TYW1B: variants seen among roughly 807,000 people sequenced by gnomAD.
TYW1B encodes S-adenosyl-L-methionine-dependent tRNA 4-demethylwyosine synthase TYW1B.
TYW1B carries 73 observed loss-of-function variants against 86.9 expected under a neutral mutation model. That is an observed-to-expected ratio of 0.84 (90% CI 0.70 to 1.02). The LOEUF (loss-of-function observed/expected upper bound fraction) is 1.02. TYW1B is among the 50% of genes least tolerant of loss of function. The pLI is 0.00. For synonymous variants in TYW1B, 248 were observed against 292.8 expected (o/e 0.85, Z 1.56); for missense variants, 637 against 827.4 (o/e 0.77, Z 2.82).
intron 13 of TYW1B, among the ~76,000 whole-genome samples, chr7:72,576,231 A>G (rs1410093702): frequency 3.3e-5 from 5 of 152,222 alleles, no homozygotes; most frequent in African/African-American, 1.2e-4. Context: ...CGTGGATACA[A>G]TATCTCATTA....
chr7:72,748,988 T>C (rs1278228151), intron 7 of TYW1B, among the ~76,000 whole-genome samples: 4 of 152,038 alleles, frequency 2.6e-5, no homozygotes, highest in Non-Finnish European at 5.9e-5. Context: ...TTGGGGAAGA[T>C]ATTAAGTAAA....
At chr7:72,757,795 C>T (rs1197186387) in intron 7 of TYW1B, among the ~76,000 whole-genome samples, 1 of 152,222 alleles carries the variant, frequency 6.6e-6, no homozygotes, top group African/African-American at 2.4e-5. Context: ...CACAACCTTA[C>T]ACAGAAATAC....
chr7:72,610,628 T>G (rs549253721), intron 13 of TYW1B, among the ~76,000 whole-genome samples: 75 of 151,398 alleles, frequency 5.0e-4, no homozygotes, highest in South Asian at 1.9e-3. Flanking sequence ...ATAACAGGTT[T>G]GTTGTTGTTG....
intron 13 of TYW1B, among the ~76,000 whole-genome samples, chr7:72,607,821 A>G (rs1175851133): frequency 9.9e-5 from 15 of 152,210 alleles, no homozygotes; most frequent in African/African-American, 1.4e-4. Flanking sequence ...CCCAATTTGT[A>G]AAGGGCATAT....
intron 12 of TYW1B, among the ~76,000 whole-genome samples, chr7:72,621,387 T>C (rs2129568528): frequency 6.6e-6 from 1 of 152,312 alleles, no homozygotes; most frequent in East Asian, 1.9e-4. Context: ...AGCCTGAGCT[T>C]CTCACCACGG....
chr7:72,664,247 G>A (rs1185645496), intron 11 of TYW1B, among the ~76,000 whole-genome samples: 2 of 151,588 alleles, frequency 1.3e-5, no homozygotes, highest in East Asian at 3.9e-4. Flanking sequence ...CAAATATTTG[G>A]GTTTCTTTTT....
chr7:72,722,541 T>C (rs1554457756), intron 9 of TYW1B, among the ~76,000 whole-genome samples: 1 of 152,198 alleles, frequency 6.6e-6, no homozygotes, highest in African/African-American at 2.4e-5. Context: ...AAGTTAATTT[T>C]GTATGTATAT....
intron 11 of TYW1B, among the ~76,000 whole-genome samples, chr7:72,632,439 T>C (rs1395095216): frequency 1.1e-5 from 1 of 88,762 alleles, no homozygotes. Context: ...TATATATACG[T>C]ATATATATAA....
intron 11 of TYW1B, among the ~76,000 whole-genome samples, chr7:72,638,666 A>G (rs2129568970): frequency 6.6e-6 from 1 of 152,384 alleles, no homozygotes; most frequent in African/African-American, 2.4e-5. Flanking sequence ...TCAATGCAGT[A>G]AGACAAGACA....
intron 6 of TYW1B, among the ~76,000 whole-genome samples, chr7:72,793,367 T>G (rs1788253049): frequency 6.6e-6 from 1 of 151,734 alleles, no homozygotes; most frequent in Admixed American, 6.6e-5. Flanking sequence ...AATAAATTAA[T>G]TAATTAAATG....
chr7:72,629,535 GCTTT>G (rs1333363543), intron 11 of TYW1B, among the ~76,000 whole-genome samples: 1 of 152,038 alleles, frequency 6.6e-6, no homozygotes, highest in Admixed American at 6.6e-5. Context: ...AGAGGGACTG[GCTTT>G]CTTTCTTTTC....
At position 72,728,858 on chromosome 7, in the gene TYW1B, T is replaced by C. The variant is rs782218675; in HGVS notation, c.1156A>G (p.Ile386Val). The change falls in exon 9 of 14, where the codon ATT becomes GTT. Residue 386 changes from isoleucine to valine, a missense_variant. Coordinates refer to ENST00000620995, the MANE Select transcript of TYW1B (RefSeq NM_001145440.3). The part of the protein sequence containing the change: ...DQPEMILKEA[I>V]ENHQNMIKQF... Reference sequence around the variant, plus strand: ...TTAATCATGTTCTGATGGTTTTCAATGGCTTCCTTCAAGATCATTTCAGGC... The same window carrying C: ...TTAATCATGTTCTGATGGTTTTCAACGGCTTCCTTCAAGATCATTTCAGGC... 5.0e-6 allele frequency: 8 copies of C among 1,613,980 alleles called. No homozygotes were observed. The highest frequency in any genetic ancestry group is 4.5e-5 in the East Asian group (2 of 44,870).
intron 2 of TYW1B, among the ~76,000 whole-genome samples, chr7:72,821,220 T>C (rs1437221773): frequency 1.3e-5 from 2 of 152,170 alleles, no homozygotes; most frequent in Non-Finnish European, 2.9e-5. Context: ...GTGACCCACC[T>C]GCCTCAGCCT....
chr7:72,796,390 T>C (rs1209331955), intron 6 of TYW1B, among the ~76,000 whole-genome samples: 12 of 117,492 alleles, frequency 1.0e-4, no homozygotes, highest in East Asian at 2.6e-4. Context: ...ATTACAGGTA[T>C]GCGCCACCAC....
intron 13 of TYW1B, among the ~76,000 whole-genome samples, chr7:72,593,768 G>A (rs1811458226): frequency 7.1e-6 from 1 of 141,074 alleles, no homozygotes. Context: ...CTTGCAGTGA[G>A]CTGAGATCAC....
At chr7:72,600,815 C>T (rs1237079863) in intron 13 of TYW1B, among the ~76,000 whole-genome samples, 1 of 151,924 alleles carries the variant, frequency 6.6e-6, no homozygotes, top group Non-Finnish European at 1.5e-5. Flanking sequence ...TGAGCCATGA[C>T]TGTGTCATGG....
intron 8 of TYW1B, among the ~76,000 whole-genome samples, chr7:72,732,863 C>T (rs1563075536): frequency 1.3e-5 from 2 of 151,280 alleles, no homozygotes; most frequent in Non-Finnish European, 1.5e-5. Flanking sequence ...ATTAAACTAA[C>T]CAAGAAAAAA....
At chr7:72,818,267 A>T (rs554738655) in intron 2 of TYW1B, among the ~76,000 whole-genome samples, 2 of 151,944 alleles carry the variant, frequency 1.3e-5, no homozygotes, top group East Asian at 1.9e-4. Flanking sequence ...TCACAGTATT[A>T]GTCCATTCTT....
chr7:72,772,495 G>A (rs1219126759), intron 7 of TYW1B, among the ~76,000 whole-genome samples: 1 of 152,122 alleles, frequency 6.6e-6, no homozygotes, highest in African/African-American at 2.4e-5. Flanking sequence ...GACCCAAAGA[G>A]AGAAAAATCC....
Sources: allele counts gnomAD v4.1 joint callset (sites outside exome capture counted in the v4.1 genomes callset), GRCh38; gene constraint gnomAD v4.1.1; transcripts MANE v1.5; gene names NCBI Gene and HGNC (gene_info 2026-07-23, HGNC 2026-07-21).